Variants in XKR4 observed in about 807,000 individuals in gnomAD.
XKR4 encodes the protein XK-related protein 4.
Under a neutral mutation model 53.9 loss-of-function variants are expected in XKR4, and 12 were observed. That is an observed-to-expected ratio of 0.22 (90% CI 0.14 to 0.36). The LOEUF (loss-of-function observed/expected upper bound fraction) is 0.36. XKR4 is among the 10% of genes least tolerant of loss of function. XKR4 has a pLI of 1.00. For missense variants in XKR4, 799 were observed against 859.5 expected (o/e 0.93, Z 0.88); for synonymous variants, 354 against 362.4 (o/e 0.98, Z 0.26).
intron 2 of XKR4, among the ~76,000 whole-genome samples, chr8:55,457,523 A>G (rs976863236): frequency 1.3e-5 from 2 of 152,218 alleles, no homozygotes; most frequent in African/African-American, 4.8e-5. Flanking sequence ...AAATAAACAC[A>G]TTTCCAAGTA....
intron 1 of XKR4, among the ~76,000 whole-genome samples, chr8:55,330,780 AC>A (rs1308701303): frequency 2.0e-5 from 3 of 152,112 alleles, no homozygotes; most frequent in Non-Finnish European, 4.4e-5. Context: ...GGCATGAAGT[AC>A]TTCTTCCCTC....
intron 2 of XKR4, among the ~76,000 whole-genome samples, chr8:55,423,985 A>C (rs936747441): frequency 2.6e-5 from 4 of 152,104 alleles, no homozygotes; most frequent in African/African-American, 9.7e-5. Context: ...TCCTTTAGTA[A>C]CTCCATTATC....
rs1212138720 is a variant in XKR4 at position 55,530,508 on chromosome 8, AG to A, written c.*6282del. On this transcript the variant is annotated 3_prime_UTR_variant, in exon 3 of 3. Transcript: ENST00000327381. ...TGTCTGAAGGTCTGCAAGATGACAG[AG>A]TTGTAACCCATTCAATGATATTGTT... 1 of 152,236 alleles carries A rather than the reference AG, an allele frequency of 6.6e-6. No individual in the cohort carries two copies. Among genetic ancestry groups the A allele is most frequent in the African/African-American group, 2.4e-5 (1 of 41,460 alleles). 9.4% of individuals were successfully genotyped at this position (152,236 alleles called of 1,614,324 possible).
chr8:55,299,711 C>T (rs959822134), intron 1 of XKR4, among the ~76,000 whole-genome samples: 3 of 152,120 alleles, frequency 2.0e-5, no homozygotes, highest in South Asian at 2.1e-4. Context: ...CAGGAAGGGC[C>T]AGGGTGACAG....
chr8:55,421,613 A>G (rs978555753), intron 2 of XKR4, among the ~76,000 whole-genome samples: 11 of 152,180 alleles, frequency 7.2e-5, no homozygotes, highest in African/African-American at 2.7e-4. Context: ...AAATTAGCTG[A>G]TGGTAGTTAT....
intron 1 of XKR4, among the ~76,000 whole-genome samples, chr8:55,165,014 A>G (rs1288167709): frequency 2.0e-5 from 3 of 152,034 alleles, no homozygotes; most frequent in Admixed American, 2.0e-4. Context: ...GAAATCTACA[A>G]AATTATGGCC....
intron 1 of XKR4, among the ~76,000 whole-genome samples, chr8:55,119,876 T>C (rs1228807553): frequency 6.6e-6 from 1 of 152,156 alleles, no homozygotes; most frequent in African/African-American, 2.4e-5. Flanking sequence ...CTCTACTTAA[T>C]GAATTATTGG....
At chr8:55,175,067 A>G (rs1201479782) in intron 1 of XKR4, among the ~76,000 whole-genome samples, 1 of 152,228 alleles carries the variant, frequency 6.6e-6, no homozygotes, top group Non-Finnish European at 1.5e-5. Flanking sequence ...TAAATGGTAT[A>G]ATTCAAAATA....
chr8:55,485,942 G>T (rs1202839111), intron 2 of XKR4, among the ~76,000 whole-genome samples: 5 of 152,092 alleles, frequency 3.3e-5, no homozygotes, highest in African/African-American at 9.7e-5. Context: ...TTTTAATTTT[G>T]TTCTTAAAAA....
intron 2 of XKR4, among the ~76,000 whole-genome samples, chr8:55,369,452 C>T (rs111651058): frequency 1.0e-3 from 54 of 54,068 alleles, no homozygotes; most frequent in African/African-American, 4.0e-3. Flanking sequence ...AAAGGAGGAA[C>T]GGGAGGGAAA....
intron 2 of XKR4, among the ~76,000 whole-genome samples, chr8:55,461,748 A>T (rs1304195457): frequency 6.6e-6 from 1 of 152,232 alleles, no homozygotes; most frequent in Non-Finnish European, 1.5e-5. Flanking sequence ...CGAATGGATA[A>T]CTAGAATAAC....
intron 1 of XKR4, among the ~76,000 whole-genome samples, chr8:55,140,515 A>G (rs945775674): frequency 1.4e-4 from 22 of 152,250 alleles, no homozygotes; most frequent in African/African-American, 5.3e-4. Flanking sequence ...ACAGTTCCCC[A>G]GGCTCTTACC....
chr8:55,350,275 A>G (rs1803707235), intron 1 of XKR4, among the ~76,000 whole-genome samples: 1 of 152,228 alleles, frequency 6.6e-6, no homozygotes, highest in Non-Finnish European at 1.5e-5. Flanking sequence ...CATGTGCAGG[A>G]CACCAGCCTG....
chr8:55,407,399 T>A (rs1804700228), intron 2 of XKR4, among the ~76,000 whole-genome samples: 1 of 152,194 alleles, frequency 6.6e-6, no homozygotes, highest in Non-Finnish European at 1.5e-5. Context: ...TAAAGCAATT[T>A]TCAGTATCCC....
intron 1 of XKR4, among the ~76,000 whole-genome samples, chr8:55,116,638 A>G (rs1226268920): frequency 2.6e-5 from 4 of 152,216 alleles, no homozygotes; most frequent in Non-Finnish European, 5.9e-5. Context: ...CACATTAAAC[A>G]AGATAGAAAT....
intron 2 of XKR4, among the ~76,000 whole-genome samples, chr8:55,510,388 T>C (rs1263867864): frequency 6.6e-6 from 1 of 152,154 alleles, no homozygotes; most frequent in African/African-American, 2.4e-5. Context: ...GGGACATAAA[T>C]AGGGAGTCCT....
chr8:55,336,695 G>T (rs1165006987), intron 1 of XKR4, among the ~76,000 whole-genome samples: 3 of 152,018 alleles, frequency 2.0e-5, no homozygotes, highest in Non-Finnish European at 4.4e-5. Flanking sequence ...ACATTTTAAT[G>T]GTTGCCTGGG....
At chr8:55,413,235 C>A (rs1412136700) in intron 2 of XKR4, among the ~76,000 whole-genome samples, 1 of 152,020 alleles carries the variant, frequency 6.6e-6, no homozygotes, top group Non-Finnish European at 1.5e-5. Context: ...TTTTCTTTTT[C>A]TTTTTTAAAT....
At chr8:55,355,039 G>A (rs183749117) in intron 1 of XKR4, among the ~76,000 whole-genome samples, 1 of 152,040 alleles carries the variant, frequency 6.6e-6, no homozygotes, top group East Asian at 1.9e-4. Flanking sequence ...AAGTAGCTGG[G>A]ATTACAGGCA....
Sources: allele counts gnomAD v4.1 joint callset (sites outside exome capture counted in the v4.1 genomes callset), GRCh38; gene constraint gnomAD v4.1.1; transcripts MANE v1.5; gene names NCBI Gene and HGNC (gene_info 2026-07-23, HGNC 2026-07-21).